The following SEZ6L variants were observed in gnomAD, a reference collection of about 807,000 sequenced individuals.
SEZ6L encodes seizure 6-like protein.
Under a neutral mutation model 106.2 loss-of-function variants are expected in SEZ6L, and 37 were observed. The ratio of observed to expected loss-of-function variants is 0.35; its 90% CI spans 0.27 to 0.46. The LOEUF is 0.46. Ranked by LOEUF, SEZ6L falls within the 20% of genes least tolerant of loss-of-function variation. The pLI is 1.00. For missense variants in SEZ6L, 1,172 were observed against 1,332.8 expected, an observed-to-expected ratio of 0.88 and a Z score of 1.88; for synonymous variants, 541 against 570.4, an observed-to-expected ratio of 0.95 and a Z score of 0.73.
chr22:26,331,971 C>A (rs2082493799), intron 9 of SEZ6L, among the ~76,000 whole-genome samples: 1 of 151,762 alleles, frequency 6.6e-6, no homozygotes, highest in African/African-American at 2.4e-5. Context: ...GGCAACAGAG[C>A]AAGACTGTGT....
At position 26,357,819 on chromosome 22, in the gene SEZ6L, G is replaced by A. The variant is rs142894613; in HGVS notation, c.2599+6576G>A. 9.9e-4 allele frequency among the ~76,000 whole-genome samples: 151 copies of A among 152,240 alleles called. No individual in the cohort carries two copies. The East Asian group carries it at 0.026, about 27-fold the overall frequency. On this transcript the variant is annotated intron_variant, in intron 12 of 16. Coordinates refer to ENST00000248933, the MANE Select transcript of SEZ6L (RefSeq NM_021115.5). ...TGTTGCAACTTCCCCTCTTTGATAAGGACGTGGTGGATGACTCCTGAGGTA... is the reference window on the plus strand; with the variant it reads ...TGTTGCAACTTCCCCTCTTTGATAAAGACGTGGTGGATGACTCCTGAGGTA...
At chr22:26,287,096 C>T (rs1353123232) in intron 1 of SEZ6L, among the ~76,000 whole-genome samples, 1 of 148,862 alleles carries the variant, frequency 6.7e-6, no homozygotes, top group East Asian at 2.0e-4. Context: ...TGTTCCCAGT[C>T]TAATCTCCCA....
At chr22:26,361,516 A>T (rs1030589047) in intron 12 of SEZ6L, among the ~76,000 whole-genome samples, 104 of 136,952 alleles carry the variant, frequency 7.6e-4, no homozygotes, top group Middle Eastern at 3.6e-3. Context: ...CAAAAAAAAA[A>T]AAAAATATAT....
intron 1 of SEZ6L, among the ~76,000 whole-genome samples, chr22:26,243,647 C>A (rs1468170121): frequency 6.6e-6 from 1 of 152,054 alleles, no homozygotes; most frequent in African/African-American, 2.4e-5. Context: ...CATGGAGCGA[C>A]CTTATTGTGG....
intron 9 of SEZ6L, among the ~76,000 whole-genome samples, chr22:26,320,724 G>A (rs1986442398): frequency 6.6e-6 from 1 of 152,144 alleles, no homozygotes; most frequent in Non-Finnish European, 1.5e-5. Context: ...GAGAATGTGA[G>A]GGAGAAGCTT....
chr22:26,294,501 T>C, intron 3 of SEZ6L, 76 bp downstream of exon 3: 1 of 1,489,954 alleles, frequency 6.7e-7, no homozygotes, highest in Non-Finnish European at 9.2e-7. Flanking sequence ...GAGTCAGGCT[T>C]ACTGTTATGC....
chr22:26,379,486 G>A (rs935474273), intron 16 of SEZ6L, among the ~76,000 whole-genome samples: 17 of 152,270 alleles, frequency 1.1e-4, no homozygotes, highest in African/African-American at 4.1e-4. Flanking sequence ...AGATGTGATT[G>A]CATATCTGTG....
chr22:26,232,620 C>A (rs2078837437), intron 1 of SEZ6L, among the ~76,000 whole-genome samples: 1 of 152,162 alleles, frequency 6.6e-6, no homozygotes, highest in African/African-American at 2.4e-5. Flanking sequence ...TTACAACTGC[C>A]AATAGTATTC....
At chr22:26,360,694 T>A (rs967254579) in intron 12 of SEZ6L, among the ~76,000 whole-genome samples, 1 of 152,096 alleles carries the variant, frequency 6.6e-6, no homozygotes, top group Non-Finnish European at 1.5e-5. Flanking sequence ...GGCGGGAAAG[T>A]GAGGCTTCTC....
At chr22:26,374,697 C>A (rs910407413) in intron 14 of SEZ6L, among the ~76,000 whole-genome samples, 5 of 152,148 alleles carry the variant, frequency 3.3e-5, no homozygotes, top group Admixed American at 1.3e-4. Flanking sequence ...TGGTGTACAG[C>A]CAAGCTCTAT....
At chr22:26,253,430 C>T (rs1477146702) in intron 1 of SEZ6L, among the ~76,000 whole-genome samples, 1 of 147,880 alleles carries the variant, frequency 6.8e-6, no homozygotes, top group Non-Finnish European at 1.5e-5. Flanking sequence ...TAGGCTGTTC[C>T]TTTTACCCCC....
intron 1 of SEZ6L, among the ~76,000 whole-genome samples, chr22:26,287,531 G>A (rs1050223365): frequency 2.6e-5 from 4 of 151,966 alleles, no homozygotes; most frequent in Admixed American, 6.6e-5. Flanking sequence ...AGCGGTCATC[G>A]GACACCAAGA....
At chr22:26,233,345 G>A (rs1340635456) in intron 1 of SEZ6L, among the ~76,000 whole-genome samples, 1 of 152,220 alleles carries the variant, frequency 6.6e-6, no homozygotes, top group Non-Finnish European at 1.5e-5. Flanking sequence ...TTTGCAGGTG[G>A]AAGGTGGACA....
At chr22:26,273,888 T>C (rs966204427) in intron 1 of SEZ6L, among the ~76,000 whole-genome samples, 1 of 152,136 alleles carries the variant, frequency 6.6e-6, no homozygotes, top group Admixed American at 6.5e-5. Context: ...TCCAAATTCT[T>C]CCTCAAGTGG....
chr22:26,220,226 C>T (rs1283776617), intron 1 of SEZ6L, among the ~76,000 whole-genome samples: 1 of 152,208 alleles, frequency 6.6e-6, no homozygotes, highest in Non-Finnish European at 1.5e-5. Context: ...ATACATTGAT[C>T]ATTGAACAAA....
intron 9 of SEZ6L, among the ~76,000 whole-genome samples, chr22:26,326,978 T>C (rs596224): frequency 0.79 from 119,731 of 152,160 alleles, 47,483 homozygotes; most frequent in African/African-American, 0.84. Flanking sequence ...ACGGCCCCTG[T>C]GTGGAGTTTC....
chr22:26,275,806 G>A (rs1418981981), intron 1 of SEZ6L, among the ~76,000 whole-genome samples: 4 of 152,168 alleles, frequency 2.6e-5, no homozygotes, highest in Admixed American at 2.6e-4. Context: ...GCCACGAAGT[G>A]TCCTCCTTCA....
chr22:26,308,653 A>G lies in SEZ6L; in HGVS notation c.1515-2017A>G, dbSNP rs150478686. On this transcript the variant is annotated intron_variant, in intron 6 of 16. Transcript: ENST00000248933. The stretch of plus-strand genomic sequence containing the variant: ...TATGTACTAGCTAACAAAGGCACTG[A>G]TAAGTCCTGCAGGGAAAAAAAAGTT... 3.9e-3 allele frequency among the ~76,000 whole-genome samples: 562 copies of G among 143,846 alleles called. 4 individuals carry two copies. Among genetic ancestry groups the G allele is most frequent in the African/African-American group, 0.015 (542 of 37,030 alleles). The allele number at this position is 143,846 out of a possible 152,430, so 94.4% of individuals were successfully genotyped here.
chr22:26,197,721 T>C (rs1397944683), intron 1 of SEZ6L, among the ~76,000 whole-genome samples: 1 of 152,170 alleles, frequency 6.6e-6, no homozygotes, highest in East Asian at 1.9e-4. Context: ...CACTTTTTTT[T>C]CTAAATGGAA....
Sources: gnomAD v4.1 joint callset for allele counts (sites outside exome capture counted in the v4.1 genomes callset) on GRCh38, gnomAD v4.1.1 for gene constraint, MANE v1.5 for transcripts, NCBI Gene and HGNC (gene_info 2026-07-23, HGNC 2026-07-21) for gene names.